The following PDE8B variants were observed in gnomAD, a reference collection of about 807,000 sequenced individuals.
The protein encoded by PDE8B is phosphodiesterase 8B, also known as high affinity cAMP-specific and IBMX-insensitive 3',5'-cyclic phosphodiesterase 8B.
Under a neutral mutation model 101.3 loss-of-function variants are expected in PDE8B, and 26 were observed. That is an observed-to-expected ratio of 0.26 (90% CI 0.19 to 0.36). The LOEUF (loss-of-function observed/expected upper bound fraction) is 0.36, where lower values mean the gene tolerates loss of function less well. Among genes scored for constraint, PDE8B ranks in the 10% least tolerant of loss-of-function variants. The pLI, the probability that PDE8B is intolerant of heterozygous loss-of-function variation, is 1.00. For missense variants in PDE8B, 810 were observed against 1,163.1 expected (o/e 0.70, Z 4.42); for synonymous variants, 424 against 429.3 (o/e 0.99, Z 0.15).
intron 1 of PDE8B, chr5:77,290,367 CG>C (rs1561477395): frequency 1.1e-5 from 16 of 1,405,552 alleles, no homozygotes; most frequent in South Asian, 2.3e-5. Flanking sequence ...CTGGGGAGGC[CG>C]GGGAGAGGTT....
intron 12 of PDE8B, 95 bp downstream of exon 12, chr5:77,404,892 G>GTA: frequency 1.3e-6 from 1 of 780,154 alleles, no homozygotes; most frequent in East Asian, 2.6e-5. Flanking sequence ...ACTCCAAAGA[G>GTA]TAAGAGTTCA....
the PDE8B span, among the ~76,000 whole-genome samples, chr5:77,203,172 C>T: frequency 6.6e-6 from 1 of 152,206 alleles, no homozygotes; most frequent in Non-Finnish European, 1.5e-5. Context: ...CTTTGTTCTT[C>T]AAGCATTTAG....
the PDE8B span, among the ~76,000 whole-genome samples, chr5:77,186,520 C>T: frequency 3.7e-4 from 57 of 152,184 alleles, no homozygotes; most frequent in Non-Finnish European, 6.8e-4. Flanking sequence ...TTCCCGTTGA[C>T]CTGCCTGGGA....
chr5:77,361,368 G>A (rs562809215), intron 10 of PDE8B, among the ~76,000 whole-genome samples: 1 of 152,236 alleles, frequency 6.6e-6, no homozygotes, highest in South Asian at 2.1e-4. Flanking sequence ...CATGTCTATA[G>A]TAGTTTCATT....
rs1015782787 is a variant in PDE8B at position 77,337,237 on chromosome 5, A to C, written c.719A>C (p.Glu240Ala). 6.4e-7 allele frequency: 1 copy of C among 1,568,386 alleles called. No homozygotes were observed. Among genetic ancestry groups the C allele is most frequent in the Non-Finnish European group, 8.8e-7 (1 of 1,140,954 alleles). Residue 240 changes from glutamate (E) to alanine (A), a missense_variant, in exon 6 of 22, where the codon GAG becomes GCG. Glu to Ala is a moderately radical substitution (Grantham distance 107, BLOSUM62 -1). This residue lies in a region of PDE8B where 251 missense variants were observed against 378.8 expected (regional missense o/e 0.66). Coordinates refer to ENST00000264917, the MANE Select transcript of PDE8B (RefSeq NM_003719.5). ...LHAGFNRRFMENSSIIACYNE... is the reference protein window; with the variant it reads ...LHAGFNRRFMANSSIIACYNE... ...TTGCTTTCTTTTCAGAGATTTATGG[A>C]GAATAGCAGCATAATTGCTTGCTAT...
chr5:77,233,188 G>T (rs1381061643), intron 1 of PDE8B, among the ~76,000 whole-genome samples: 1 of 152,108 alleles, frequency 6.6e-6, no homozygotes, highest in East Asian at 1.9e-4. Context: ...TGTTTTCTGG[G>T]TGGTTGCTTA....
chr5:77,235,219 C>T (rs781537638), intron 1 of PDE8B, among the ~76,000 whole-genome samples: 13 of 152,130 alleles, frequency 8.5e-5, no homozygotes, highest in South Asian at 2.1e-4. Context: ...TTTGTGTGTG[C>T]GTGCACGTGC....
the PDE8B span, chr5:77,106,076 G>A: frequency 4.6e-5 from 7 of 152,116 alleles, no homozygotes; most frequent in Admixed American, 3.9e-4. Context: ...CAAGTCCTTT[G>A]TTAGATATAT....
intron 1 of PDE8B, among the ~76,000 whole-genome samples, chr5:77,230,833 A>T (rs1753419586): frequency 6.6e-6 from 1 of 152,232 alleles, no homozygotes; most frequent in African/African-American, 2.4e-5. Context: ...CTGGGAGAAG[A>T]AATTGGTGGG....
At chr5:77,243,831 A>G (rs1213331245) in intron 1 of PDE8B, among the ~76,000 whole-genome samples, 1 of 152,094 alleles carries the variant, frequency 6.6e-6, no homozygotes, top group African/African-American at 2.4e-5. Context: ...TTTTGTGTGG[A>G]TGTGTGTTTT....
the PDE8B span, among the ~76,000 whole-genome samples, chr5:77,133,377 GATCA>G: frequency 6.6e-6 from 1 of 152,134 alleles, no homozygotes; most frequent in African/African-American, 2.4e-5. Context: ...CTGATTCATA[GATCA>G]ATGACAATAA....
At chr5:77,154,155 C>T in the PDE8B span, among the ~76,000 whole-genome samples, 2 of 152,196 alleles carry the variant, frequency 1.3e-5, no homozygotes, top group African/African-American at 4.8e-5. Context: ...AAGTGAAATT[C>T]TGACTCATTT....
chr5:77,125,349 G>A, the PDE8B span, among the ~76,000 whole-genome samples: 1 of 152,174 alleles, frequency 6.6e-6, no homozygotes, highest in African/African-American at 2.4e-5. Flanking sequence ...TGGAACTCTT[G>A]TGCATTGCTG....
intron 6 of PDE8B, among the ~76,000 whole-genome samples, chr5:77,338,981 T>G (rs1197080357): frequency 6.6e-6 from 1 of 152,054 alleles, no homozygotes; most frequent in African/African-American, 2.4e-5. Flanking sequence ...TGGGGGGCTG[T>G]CCCAGGAATG....
At chr5:77,138,208 C>G in the PDE8B span, among the ~76,000 whole-genome samples, 2 of 152,122 alleles carry the variant, frequency 1.3e-5, no homozygotes, top group African/African-American at 4.8e-5. Flanking sequence ...AATTTGGAGT[C>G]CGGGGGGTGG....
intron 5 of PDE8B, among the ~76,000 whole-genome samples, chr5:77,335,910 C>T (rs1388863102): frequency 4.6e-5 from 7 of 151,964 alleles, no homozygotes; most frequent in African/African-American, 1.4e-4. Flanking sequence ...CATTATTTCT[C>T]ATTAAGTATT....
chr5:77,331,427 G>A lies in PDE8B; in HGVS notation c.676G>A (p.Val226Ile). ...RVSDDHEEASVLPLLHAGFNR... is the reference protein window; with the variant it reads ...RVSDDHEEASILPLLHAGFNR... ...ATCGGATGACCATGAAGAGGCGTCA[G>A]TCCTTCCTCTTCTCCACGCAGGCTT... Residue 226 changes from valine (V) to isoleucine (I), a missense_variant, in exon 5 of 22, where the codon GTC (valine) becomes ATC (isoleucine). Val to Ile is a conservative substitution (Grantham distance 29). This residue lies in a region of PDE8B where 251 missense variants were observed against 378.8 expected (regional missense o/e 0.66). Coordinates refer to ENST00000264917, the MANE Select transcript of PDE8B (RefSeq NM_003719.5). The A allele has an allele frequency of 6.2e-7, 1 of 1,613,862 alleles. No homozygotes were observed. Among genetic ancestry groups the A allele is most frequent in the Non-Finnish European group, 8.5e-7 (1 of 1,179,806 alleles).
At chr5:77,195,373 G>A in the PDE8B span, among the ~76,000 whole-genome samples, 138 of 152,272 alleles carry the variant, frequency 9.1e-4, no homozygotes, top group African/African-American at 2.9e-3. Context: ...GGGGGGATGC[G>A]TTCAAGCCAT....
rs867035573 is a variant in PDE8B, at chr5:77,261,012, C to T, written c.339+49748C>T. ...TGAAGATGGAAGAACAAATTGGGAACGATTGATCAAGACCACACTTCAGAT... is the reference window on the plus strand; with the variant it reads ...TGAAGATGGAAGAACAAATTGGGAATGATTGATCAAGACCACACTTCAGAT... On this transcript the variant is annotated intron_variant, in intron 1 of 21. Coordinates refer to ENST00000264917, the MANE Select transcript of PDE8B (RefSeq NM_003719.5). 5.9e-5 allele frequency among the ~76,000 whole-genome samples: 9 copies of T among 152,214 alleles called. No homozygotes were observed. The Middle Eastern group carries it at 0.01, about 173-fold the overall frequency.
Sources: gnomAD v4.1 joint callset for allele counts (sites outside exome capture counted in the v4.1 genomes callset) on GRCh38, gnomAD v4.1.1 for gene constraint, gnomAD v4.1.1 regional missense constraint, MANE v1.5 for transcripts, NCBI Gene and HGNC (gene_info 2026-07-23, HGNC 2026-07-21) for gene names.